RSPO2: variants seen among roughly 807,000 people sequenced by gnomAD.
The protein encoded by RSPO2 is R-spondin-2.
In RSPO2, 14 loss-of-function variants were observed where a neutral mutation model predicts 30.9. The observed-to-expected ratio is 0.45, with a 90% CI of 0.30 to 0.71. The LOEUF (loss-of-function observed/expected upper bound fraction) is 0.71, where lower values mean the gene tolerates loss of function less well. Ranked by LOEUF, RSPO2 falls within the 30% of genes least tolerant of loss-of-function variation. The probability of loss-of-function intolerance (pLI) is 0.08; values close to 1 mark genes in which losing one functional copy is unlikely to be tolerated. For synonymous variants in RSPO2, 107 were observed against 96.4 expected, an observed-to-expected ratio of 1.11 and a Z score of -0.64; for missense variants, 264 against 301.9, an observed-to-expected ratio of 0.87 and a Z score of 0.93.
At chr8:108,034,901 ATCT>A (rs150282495) in intron 2 of RSPO2, among the ~76,000 whole-genome samples, 3,659 of 152,336 alleles carry the variant, frequency 0.024, 57 homozygotes, top group Non-Finnish European at 0.037. Context: ...AAGCTTTATT[ATCT>A]TCATGATTTG....
At chr8:107,983,957 T>A (rs1471478782) in intron 3 of RSPO2, 8 of 957,366 alleles carry the variant, frequency 8.4e-6, no homozygotes, top group African/African-American at 1.6e-5. Context: ...TCTGAAAGGA[T>A]TTATGAATAA....
intron 3 of RSPO2, among the ~76,000 whole-genome samples, chr8:107,966,166 A>G (rs542661384): frequency 6.6e-5 from 10 of 152,288 alleles, no homozygotes; most frequent in African/African-American, 2.4e-4. Flanking sequence ...GTATTTAAGT[A>G]ATAATTAGTA....
intron 5 of RSPO2, among the ~76,000 whole-genome samples, chr8:107,917,352 G>A (rs1190165205): frequency 6.6e-6 from 1 of 152,096 alleles, no homozygotes; most frequent in Non-Finnish European, 1.5e-5. Flanking sequence ...GAGCATGGTG[G>A]TGGGTGCCTG....
chr8:107,934,371 CTTTTTTT>C (rs3039296), intron 5 of RSPO2, among the ~76,000 whole-genome samples: 28 of 141,854 alleles, frequency 2.0e-4, no homozygotes, highest in South Asian at 6.7e-4. Context: ...TCTCATTTCC[CTTTTTTT>C]TTTTTTTTTA....
At chr8:108,065,147 G>T (rs995750084) in intron 2 of RSPO2, among the ~76,000 whole-genome samples, 1 of 151,532 alleles carries the variant, frequency 6.6e-6, no homozygotes, top group African/African-American at 2.4e-5. Context: ...TTGTGCACAT[G>T]TACCCTAGAA....
chr8:107,911,917 T>C (rs1379880673), intron 5 of RSPO2, among the ~76,000 whole-genome samples: 1 of 152,130 alleles, frequency 6.6e-6, no homozygotes, highest in African/African-American at 2.4e-5. Flanking sequence ...GGCATCAGCC[T>C]TCCTGCTCAA....
chr8:107,955,105 AG>A (rs1171345348), intron 5 of RSPO2, among the ~76,000 whole-genome samples: 1 of 152,172 alleles, frequency 6.6e-6, no homozygotes, highest in Non-Finnish European at 1.5e-5. Context: ...TGGCAAATGC[AG>A]GGGGCAGCTA....
intron 5 of RSPO2, among the ~76,000 whole-genome samples, chr8:107,934,131 G>A (rs1812640047): frequency 6.6e-6 from 1 of 152,162 alleles, no homozygotes; most frequent in Admixed American, 6.5e-5. Context: ...GTTCTGGCAA[G>A]ATGTCGTAAG....
intron 3 of RSPO2, among the ~76,000 whole-genome samples, chr8:107,978,518 C>A (rs1173430711): frequency 6.6e-6 from 1 of 152,122 alleles, no homozygotes; most frequent in Non-Finnish European, 1.5e-5. Context: ...ACACCTTATA[C>A]AAAAATTAAT....
At chr8:108,018,773 G>C (rs936571929) in intron 2 of RSPO2, among the ~76,000 whole-genome samples, 3 of 152,130 alleles carry the variant, frequency 2.0e-5, no homozygotes, top group Non-Finnish European at 4.4e-5. Context: ...TATATTTTCT[G>C]TAAACACCCA....
chr8:108,024,785 C>T (rs530075440), intron 2 of RSPO2, among the ~76,000 whole-genome samples: 7 of 152,226 alleles, frequency 4.6e-5, no homozygotes, highest in African/African-American at 1.7e-4. Flanking sequence ...TTTGGGAGGC[C>T]AAGGTGGGTG....
chr8:108,028,256 C>T (rs1163026030), intron 2 of RSPO2, among the ~76,000 whole-genome samples: 2 of 152,152 alleles, frequency 1.3e-5, no homozygotes, highest in Non-Finnish European at 2.9e-5. Context: ...GCTTATCTTA[C>T]CCCCTCACCT....
At chr8:107,982,578 A>T (rs1250012098) in intron 3 of RSPO2, among the ~76,000 whole-genome samples, 1 of 152,146 alleles carries the variant, frequency 6.6e-6, no homozygotes, top group Non-Finnish European at 1.5e-5. Context: ...TGAGCCTTCC[A>T]GTTATCAGAT....
chr8:108,005,545 C>T lies in RSPO2; in HGVS notation c.95-16301G>A, dbSNP rs779228670. ...CATTTGTCTGTCTGCTTGTTTGTTA[C>T]GTCAAACAAGCAGACAGAAAGGTAC... On this transcript the variant is annotated intron_variant, in intron 2 of 5. Coordinates refer to ENST00000276659, the MANE Select transcript of RSPO2 (RefSeq NM_178565.5). Among the ~76,000 whole-genome samples the T allele has an allele frequency of 2.6e-5, 4 of 151,730 alleles. No homozygotes were observed. The East Asian group carries it at 5.8e-4, about 22-fold the overall frequency.
intron 5 of RSPO2, among the ~76,000 whole-genome samples, chr8:107,934,654 G>C (rs1812658296): frequency 6.6e-6 from 1 of 152,170 alleles, no homozygotes. Context: ...TTACAGGTGT[G>C]AGCCACCATG....
chr8:107,921,466 G>T (rs563288933), intron 5 of RSPO2, among the ~76,000 whole-genome samples: 2 of 152,012 alleles, frequency 1.3e-5, no homozygotes, highest in Non-Finnish European at 2.9e-5. Context: ...AACAGCAGAG[G>T]CCACAAAATC....
At chr8:108,049,923 TAG>T (rs1219398461) in intron 2 of RSPO2, among the ~76,000 whole-genome samples, 1 of 152,176 alleles carries the variant, frequency 6.6e-6, no homozygotes, top group East Asian at 1.9e-4. Context: ...ACACATTCTA[TAG>T]AGTTACATAT....
At chr8:108,070,550 C>T (rs73309368) in intron 2 of RSPO2, among the ~76,000 whole-genome samples, 2,934 of 152,236 alleles carry the variant, frequency 0.019, 108 homozygotes, top group African/African-American at 0.067. Flanking sequence ...CCTCGGCCTC[C>T]CAAAGAAGAC....
At chr8:107,919,383 T>C (rs1013433343) in intron 5 of RSPO2, among the ~76,000 whole-genome samples, 1 of 152,178 alleles carries the variant, frequency 6.6e-6, no homozygotes, top group African/African-American at 2.4e-5. Context: ...ACTTAGTTTA[T>C]AGTTTAAAAC....
Sources: allele counts gnomAD v4.1 joint callset (sites outside exome capture counted in the v4.1 genomes callset), GRCh38; gene constraint gnomAD v4.1.1; transcripts MANE v1.5; gene names NCBI Gene and HGNC (gene_info 2026-07-23, HGNC 2026-07-21).